Variants in FZD10 observed in about 807,000 individuals in gnomAD.
The protein encoded by FZD10 is frizzled-10.
Under a neutral mutation model 24.4 loss-of-function variants are expected in FZD10, and 14 were observed. That is an observed-to-expected ratio of 0.57 (90% CI 0.38 to 0.90). The LOEUF (loss-of-function observed/expected upper bound fraction) is 0.90. Ranked by LOEUF, FZD10 falls within the 40% of genes least tolerant of loss-of-function variation. The probability of loss-of-function intolerance (pLI) is 0.00; values close to 1 mark genes in which losing one functional copy is unlikely to be tolerated. For missense variants in FZD10, 775 were observed against 816.6 expected, an observed-to-expected ratio of 0.95 and a Z score of 0.62; for synonymous variants, 381 against 349.1, an observed-to-expected ratio of 1.09 and a Z score of -1.02.
chr12:130,163,592 T>G lies in FZD10; in HGVS notation c.650T>G (p.Val217Gly). Residue 217 changes from valine (V) to glycine (G), a missense_variant, in exon 1 of 1, where the codon GTG (valine) becomes GGG (glycine). Val to Gly is a moderately radical substitution (Grantham distance 109). Transcript: ENST00000229030. ...CCGCTCTGCACGCCCGGCGTGGACG[T>G]GTACTGGAGCCGCGAGGACAAGCGC... ...CAPLCTPGVD[V>G]YWSREDKRFA... The G allele has an allele frequency of 6.2e-7, 1 of 1,611,284 alleles. No individual in the cohort carries two copies.
Position 130,163,644 on chromosome 12 carries a change from G to A in FZD10, c.702G>A (p.Trp234Ter). Residue 234 changes from tryptophan to a stop codon, truncating the protein, a stop_gained, in exon 1 of 1, where the codon TGG (tryptophan) becomes TGA (stop). Transcript: ENST00000229030. LOFTEE classifies it high-confidence loss of function. ...TCGCAGTGGTCTGGCTGGCCATCTG[G>A]GCGGTGCTGTGCTTCTTCTCCAGCG... ...KRFAVVWLAI[W>*]AVLCFFSSAF... The A allele has an allele frequency of 6.2e-7, 1 of 1,613,208 alleles. No individual in the cohort carries two copies. Among genetic ancestry groups the A allele is most frequent in the Non-Finnish European group, 8.5e-7 (1 of 1,180,030 alleles).
rs1259049078 is a variant in FZD10, at chr12:130,163,965, G to A, written c.1023G>A (p.Lys341=). The A allele has an allele frequency of 1.2e-6, 2 of 1,613,802 alleles. No homozygotes were observed. Among genetic ancestry groups the A allele is most frequent in the Admixed American group, 1.7e-5 (1 of 60,028 alleles). The stretch of plus-strand genomic sequence containing the variant: ...CCTGGTTCCTGGCCGCCGGCAAGAA[G>A]TGGGGCCACGAGGCCATCGAAGCCA... ...TLTWFLAAGK[K]WGHEAIEANS... is the part of the protein sequence containing the mutation. The change falls in exon 1 of 1, where the codon AAG becomes AAA. Residue 341 remains lysine, a synonymous_variant. Coordinates refer to ENST00000229030, the MANE Select transcript of FZD10 (RefSeq NM_007197.4).
At position 130,162,960 on chromosome 12, in the gene FZD10, C is replaced by T. The variant is rs1200999226; in HGVS notation, c.18C>T (p.Pro6=). 1 of 1,544,492 alleles carries T rather than the reference C, an allele frequency of 6.5e-7. No individual in the cohort carries two copies. Among genetic ancestry groups the T allele is most frequent in the Non-Finnish European group, 8.8e-7 (1 of 1,141,890 alleles). Residue 6 remains proline (P), a synonymous_variant, in exon 1 of 1, where the codon CCC becomes CCT. Transcript: ENST00000229030. ...ACGCCAGCATGCAGCGCCCGGGCCCCCGCCTGTGGCTGGTCCTGCAGGTGA... is the reference window on the plus strand; with the variant it reads ...ACGCCAGCATGCAGCGCCCGGGCCCTCGCCTGTGGCTGGTCCTGCAGGTGA... The part of the protein sequence containing the change: MQRPG[P]RLWLVLQVMG...
At position 130,162,764 on chromosome 12, in the gene FZD10, C is replaced by A. The variant is rs1339565254; in HGVS notation, c.-179C>A. 3 of 319,780 alleles carry A rather than the reference C, an allele frequency of 9.4e-6. No homozygotes were observed. Among genetic ancestry groups the A allele is most frequent in the Non-Finnish European group, 1.7e-5 (3 of 177,090 alleles). 19.8% of individuals were successfully genotyped at this position (319,780 alleles called of 1,614,324 possible). A position where few individuals can be genotyped will look rare whatever the true frequency, so the allele number is the denominator to read the frequency against. On this transcript the variant is annotated 5_prime_UTR_variant, in exon 1 of 1. Transcript: ENST00000229030. ...CTCTCCGCCGCGGCCCCCAACTCGG[C>A]GGACGCCGGGCGCGGAGAGCCGAGC... is the stretch of plus-strand genomic sequence containing the variant.
At position 130,165,268 on chromosome 12, in the gene FZD10, A is replaced by G. The variant is rs1871791714; in HGVS notation, c.*580A>G. The G allele has an allele frequency of 6.0e-6, 1 of 167,064 alleles. No homozygotes were observed. The highest frequency in any genetic ancestry group is 1.5e-5 in the Non-Finnish European group (1 of 68,130). 10.3% of individuals were successfully genotyped at this position (167,064 alleles called of 1,614,324 possible). Reference sequence around the variant, plus strand: ...TCTCTGCAAGACAGAAACCTCCATCAAACCTCACATTTGTGAACTCAAACG... The same window carrying G: ...TCTCTGCAAGACAGAAACCTCCATCGAACCTCACATTTGTGAACTCAAACG... On this transcript the variant is annotated 3_prime_UTR_variant, in exon 1 of 1. Transcript: ENST00000229030.
rs781447102 is a variant in FZD10, at chr12:130,163,670, C to G, written c.728C>G (p.Ala243Gly). The G allele has an allele frequency of 2.5e-6, 4 of 1,613,522 alleles. No homozygotes were observed. Among genetic ancestry groups the G allele is most frequent in the South Asian group, 1.1e-5 (1 of 91,088 alleles). The change falls in exon 1 of 1, where the codon GCC becomes GGC. Residue 243 changes from alanine to glycine, a missense_variant. Coordinates refer to ENST00000229030, the MANE Select transcript of FZD10 (RefSeq NM_007197.4). Reference sequence around the variant, plus strand: ...GCGGTGCTGTGCTTCTTCTCCAGCGCCTTCACCGTGCTCACCTTCCTCATC... The same window carrying G: ...GCGGTGCTGTGCTTCTTCTCCAGCGGCTTCACCGTGCTCACCTTCCTCATC... ...IWAVLCFFSS[A>G]FTVLTFLIDP...
rs1285482530 is a variant in FZD10, at chr12:130,165,424, G to C, written c.*736G>C. The C allele has an allele frequency of 6.0e-6, 1 of 166,948 alleles. No individual in the cohort carries two copies. Among genetic ancestry groups the C allele is most frequent in the Non-Finnish European group, 1.5e-5 (1 of 68,126 alleles). The allele number at this position is 166,948 out of a possible 1,614,324, so 10.3% of individuals were successfully genotyped here. On this transcript the variant is annotated 3_prime_UTR_variant, in exon 1 of 1. Transcript: ENST00000229030. ...GCCCAGCCCTCAGAAACCCTTCAGT[G>C]CTACATTTTGTGGCTTTTTAATGGA...
Position 130,164,250 on chromosome 12 carries a change from G to T in FZD10, c.1308G>T (p.Lys436Asn), listed in dbSNP as rs1343972238. Residue 436 changes from lysine to asparagine, a missense_variant, in exon 1 of 1, where the codon AAG becomes AAT. Transcript: ENST00000229030. This position sits in a 1 kb window ranked among gnomAD's most constrained non-coding sequence, Gnocchi z 5.3. ...AGACGGGCGGCGAGAACACGGACAA[G>T]CTGGAGAAGCTCATGGTGCGTATCG... The part of the protein sequence containing the change: ...VMKTGGENTD[K>N]LEKLMVRIGL... 2 of 1,614,052 alleles carry T rather than the reference G, an allele frequency of 1.2e-6. No homozygotes were observed. Among genetic ancestry groups the T allele is most frequent in the Middle Eastern group, 1.6e-4 (1 of 6,084 alleles).
Position 130,163,992 on chromosome 12 carries a change from C to T in FZD10, c.1050C>T (p.Asn350=). 4 of 1,613,780 alleles carry T rather than the reference C, an allele frequency of 2.5e-6. No homozygotes were observed. Among genetic ancestry groups the T allele is most frequent in the Non-Finnish European group, 3.4e-6 (4 of 1,180,050 alleles). The part of the protein sequence containing the change: ...KKWGHEAIEA[N]SSYFHLAAWA... ...GGGGCCACGAGGCCATCGAAGCCAA[C>T]AGCAGCTACTTCCACCTGGCAGCCT... Residue 350 remains asparagine (N), a synonymous_variant, in exon 1 of 1, where the codon AAC becomes AAT. Transcript: ENST00000229030.
rs1043990690 is a variant in FZD10 at position 130,163,603 on chromosome 12, C to T, written c.661C>T (p.Arg221Cys). 4 of 1,612,012 alleles carry T rather than the reference C, an allele frequency of 2.5e-6. No individual in the cohort carries two copies. Among genetic ancestry groups the T allele is most frequent in the South Asian group, 2.2e-5 (2 of 91,040 alleles). ...CTPGVDVYWSREDKRFAVVWL... is the reference protein window; with the variant it reads ...CTPGVDVYWSCEDKRFAVVWL... ...GCCCGGCGTGGACGTGTACTGGAGC[C>T]GCGAGGACAAGCGCTTCGCAGTGGT... The change falls in exon 1 of 1, where the codon CGC becomes TGC. Residue 221 changes from arginine (R) to cysteine (C), a missense_variant. Arg to Cys is a radical substitution (Grantham distance 180). Coordinates refer to ENST00000229030, the MANE Select transcript of FZD10 (RefSeq NM_007197.4).
In FZD10 at chr12:130,163,772, ACC is replaced by A; in HGVS notation, c.831_832del (p.Leu278HisfsTer210). 6.2e-7 allele frequency: 1 copy of A among 1,613,694 alleles called. No individual in the cohort carries two copies. The highest frequency in any genetic ancestry group is 8.5e-7 in the Non-Finnish European group (1 of 1,179,996). Reference sequence around the variant, plus strand: ...TGCTACTGCGTCTACTCCGTGGGCTACCTCATCCGCCTCTTCGCCGGCGCCGA... The same window carrying A: ...TGCTACTGCGTCTACTCCGTGGGCTATCATCCGCCTCTTCGCCGGCGCCGA... On this transcript the variant is annotated frameshift_variant, in exon 1 of 1. Transcript: ENST00000229030. LOFTEE classifies it high-confidence loss of function.
Position 130,163,841 on chromosome 12 carries a change from T to A in FZD10, c.899T>A (p.Ile300Asn). 1 of 1,613,942 alleles carries A rather than the reference T, an allele frequency of 6.2e-7. No homozygotes were observed. Among genetic ancestry groups the A allele is most frequent in the Non-Finnish European group, 8.5e-7 (1 of 1,180,040 alleles). ...CGGGACAGCGGCCAGCTCTATGTCA[T>A]CCAGGAGGGACTGGAGAGCACCGGC... The part of the protein sequence containing the change: ...CDRDSGQLYV[I>N]QEGLESTGCT... Residue 300 changes from isoleucine to asparagine, a missense_variant, in exon 1 of 1, where the codon ATC becomes AAC. Coordinates refer to ENST00000229030, the MANE Select transcript of FZD10 (RefSeq NM_007197.4).
rs1389490438 is a variant in FZD10, at chr12:130,163,111, G to C, written c.169G>C (p.Gly57Arg). 6.2e-7 allele frequency: 1 copy of C among 1,612,842 alleles called. No individual in the cohort carries two copies. Among genetic ancestry groups the C allele is most frequent in the South Asian group, 1.1e-5 (1 of 91,086 alleles). The change falls in exon 1 of 1, where the codon GGC becomes CGC. Residue 57 changes from glycine (G) to arginine (R), a missense_variant. By Grantham distance (125) the Gly-to-Arg change is moderately radical (BLOSUM62 -2). Coordinates refer to ENST00000229030, the MANE Select transcript of FZD10 (RefSeq NM_007197.4). ...CATGACTCGTATGCCCAACCTGATG[G>C]GCCACGAGAACCAGCGCGAGGCAGC... Reference protein sequence around the residue: ...YNMTRMPNLMGHENQREAAIQ... With the variant: ...YNMTRMPNLMRHENQREAAIQ...
At position 130,164,174 on chromosome 12, in the gene FZD10, C is replaced by G; in HGVS notation, c.1232C>G (p.Ser411Cys). 6.2e-7 allele frequency: 1 copy of G among 1,614,128 alleles called. No homozygotes were observed. Among genetic ancestry groups the G allele is most frequent in the African/African-American group, 1.3e-5 (1 of 75,050 alleles). ...GCCTGCTACCTGGTCATCGGCACGTCCTTCATCCTCTCGGGCTTCGTGGCC... is the reference window on the plus strand; with the variant it reads ...GCCTGCTACCTGGTCATCGGCACGTGCTTCATCCTCTCGGGCTTCGTGGCC... ...PLACYLVIGT[S>C]FILSGFVALF... The change falls in exon 1 of 1, where the codon TCC becomes TGC. Residue 411 changes from serine to cysteine, a missense_variant. By Grantham distance (112) the Ser-to-Cys change is moderately radical (BLOSUM62 -1). Transcript: ENST00000229030. The surrounding 1 kb of genome is among the most constrained non-coding windows in gnomAD (Gnocchi z 5.3).
Position 130,163,886 on chromosome 12 carries a change from T to C in FZD10, c.944T>C (p.Val315Ala). 6.2e-7 allele frequency: 1 copy of C among 1,613,956 alleles called. No individual in the cohort carries two copies. Among genetic ancestry groups the C allele is most frequent in the Middle Eastern group, 1.6e-4 (1 of 6,062 alleles). ...ESTGCTLVFL[V>A]LYYFGMASSL... Reference sequence around the variant, plus strand: ...ACCGGCTGCACGCTGGTCTTCCTGGTCCTCTACTACTTCGGCATGGCCAGC... The same window carrying C: ...ACCGGCTGCACGCTGGTCTTCCTGGCCCTCTACTACTTCGGCATGGCCAGC... The change falls in exon 1 of 1, where the codon GTC (valine) becomes GCC (alanine). Residue 315 changes from valine to alanine, a missense_variant. Physicochemically the swap from Val to Ala is moderately conservative, Grantham distance 64. Coordinates refer to ENST00000229030, the MANE Select transcript of FZD10 (RefSeq NM_007197.4).
chr12:130,165,224 C>G lies in FZD10; in HGVS notation c.*536C>G, dbSNP rs1057120517. 1.2e-4 allele frequency: 20 copies of G among 167,224 alleles called. No individual in the cohort carries two copies. The allele number at this position is 167,224 out of a possible 1,614,324, so 10.4% of individuals were successfully genotyped here. A position where few individuals can be genotyped will look rare whatever the true frequency, so the allele number is the denominator to read the frequency against. On this transcript the variant is annotated 3_prime_UTR_variant, in exon 1 of 1. Transcript: ENST00000229030. ...GATTTGGAGTTGCTTAAAATAGACT[C>G]CGGCCTTCACCAATAGTCTCTCTGC... is the stretch of plus-strand genomic sequence containing the variant.
rs781005736 is a variant in FZD10 at position 130,164,152 on chromosome 12, T to A, written c.1210T>A (p.Cys404Ser). 59 of 1,613,956 alleles carry A rather than the reference T, an allele frequency of 3.7e-5. No individual in the cohort carries two copies. The highest frequency in any genetic ancestry group is 6.7e-5 in the Admixed American group (4 of 60,008). ...CGGCTTCGTGCTCATTCCCCTGGCCTGCTACCTGGTCATCGGCACGTCCTT... is the reference window on the plus strand; with the variant it reads ...CGGCTTCGTGCTCATTCCCCTGGCCAGCTACCTGGTCATCGGCACGTCCTT... ...LTGFVLIPLA[C>S]YLVIGTSFIL... Residue 404 changes from cysteine to serine, a missense_variant, in exon 1 of 1, where the codon TGC becomes AGC. Cys to Ser is a moderately radical substitution (Grantham distance 112, BLOSUM62 -1). Coordinates refer to ENST00000229030, the MANE Select transcript of FZD10 (RefSeq NM_007197.4). This position sits in a 1 kb window ranked among gnomAD's most constrained non-coding sequence, Gnocchi z 5.3.
chr12:130,164,720 C>A lies in FZD10; in HGVS notation c.*32C>A. The A allele has an allele frequency of 1.4e-6, 2 of 1,467,806 alleles. No individual in the cohort carries two copies. The highest frequency in any genetic ancestry group is 2.6e-5 in the South Asian group (2 of 77,148). The allele number at this position is 1,467,806 out of a possible 1,614,324, so 90.9% of individuals were successfully genotyped here. On this transcript the variant is annotated 3_prime_UTR_variant, in exon 1 of 1. Coordinates refer to ENST00000229030, the MANE Select transcript of FZD10 (RefSeq NM_007197.4). The surrounding 1 kb of genome is among the most constrained non-coding windows in gnomAD (Gnocchi z 5.3). ...CTGGAGGGAAGGGCACAGGGGCGCC[C>A]GGAGCTAAGATGTGGTGCTTTTCTT...
At position 130,162,556 on chromosome 12, in the gene FZD10, G is replaced by A. The variant is rs1292373980; in HGVS notation, c.-387G>A. The stretch of plus-strand genomic sequence containing the variant: ...GGGAGGAGCCGCCCGGGCTGTGGGG[G>A]CGCCGCGAGCTGGGCCGGCCTCGGT... On this transcript the variant is annotated 5_prime_UTR_variant, in exon 1 of 1. Coordinates refer to ENST00000229030, the MANE Select transcript of FZD10 (RefSeq NM_007197.4). 1 of 153,854 alleles carries A rather than the reference G, an allele frequency of 6.5e-6. No individual in the cohort carries two copies. Among genetic ancestry groups the A allele is most frequent in the Non-Finnish European group, 1.4e-5 (1 of 69,490 alleles). The allele number at this position is 153,854 out of a possible 1,614,324, so 9.5% of individuals were successfully genotyped here. A position where few individuals can be genotyped will look rare whatever the true frequency, so the allele number is the denominator to read the frequency against.
Sources: allele counts gnomAD v4.1 joint callset, GRCh38; gene constraint gnomAD v4.1.1; non-coding constraint Gnocchi (gnomAD v3.1); transcripts MANE v1.5; gene names NCBI Gene and HGNC (gene_info 2026-07-23, HGNC 2026-07-21).